HDAC4: variants seen among roughly 807,000 people sequenced by gnomAD.
HDAC4 encodes histone deacetylase A.
Under a neutral mutation model 135.1 loss-of-function variants are expected in HDAC4, and 16 were observed. The ratio of observed to expected loss-of-function variants is 0.12; its 90% CI spans 0.08 to 0.18. HDAC4 has a LOEUF of 0.18. HDAC4 is among the 10% of genes least tolerant of loss of function. The pLI is 1.00. For synonymous variants in HDAC4, 685 were observed against 653.4 expected (o/e 1.05, Z -0.74); for missense variants, 1,143 against 1,511.8 (o/e 0.76, Z 4.05).
At chr2:239,272,922 C>G (rs569468870) in intron 2 of HDAC4, among the ~76,000 whole-genome samples, 7 of 152,164 alleles carry the variant, frequency 4.6e-5, no homozygotes, top group Non-Finnish European at 7.4e-5. Context: ...CCCTCCCTAG[C>G]GACCTGGCCA....
intron 14 of HDAC4, among the ~76,000 whole-genome samples, chr2:239,110,596 C>A (rs1174637498): frequency 2.6e-5 from 4 of 152,252 alleles, no homozygotes; most frequent in Admixed American, 2.0e-4. Context: ...GAATAGCATC[C>A]TTCTAAGACC....
chr2:239,113,148 G>A (rs188257115), intron 13 of HDAC4, among the ~76,000 whole-genome samples: 6 of 152,370 alleles, frequency 3.9e-5, no homozygotes, highest in Non-Finnish European at 8.8e-5. Context: ...TACTTGGGAG[G>A]CTGAGGCAGA....
chr2:239,167,965 G>A lies in HDAC4; in HGVS notation c.491-4042C>T, dbSNP rs553607106. 1.3e-5 allele frequency among the ~76,000 whole-genome samples: 2 copies of A among 151,798 alleles called. No individual in the cohort carries two copies. Among genetic ancestry groups the A allele is most frequent in the South Asian group, 2.1e-4 (1 of 4,798 alleles). On this transcript the variant is annotated intron_variant, in intron 5 of 26. Transcript: ENST00000543185. The surrounding 1 kb of genome is among the most constrained non-coding windows in gnomAD (Gnocchi z 4.1). ...ACAGCAGCTCTGGGTGGGGCGGGGCGGGGCAGGTGGGGAGGGACGGCTGTG... is the reference window on the plus strand; with the variant it reads ...ACAGCAGCTCTGGGTGGGGCGGGGCAGGGCAGGTGGGGAGGGACGGCTGTG...
intron 2 of HDAC4, among the ~76,000 whole-genome samples, chr2:239,257,923 C>G (rs60681533): frequency 0.082 from 12,458 of 152,092 alleles, 663 homozygotes; most frequent in African/African-American, 0.15. Flanking sequence ...GAGAAAGAGA[C>G]TTTGTTACTT....
At chr2:239,183,789 C>T (rs2044309067) in intron 4 of HDAC4, among the ~76,000 whole-genome samples, 2 of 152,196 alleles carry the variant, frequency 1.3e-5, no homozygotes, top group Non-Finnish European at 1.5e-5. Flanking sequence ...AGCTCTAATG[C>T]TCACTGACAG....
chr2:239,118,981 G>A (rs1012972113), intron 12 of HDAC4, among the ~76,000 whole-genome samples: 2 of 152,176 alleles, frequency 1.3e-5, no homozygotes, highest in African/African-American at 4.8e-5. Context: ...TACCGCTGTC[G>A]CTGTGAGCAG....
rs1408615031 is a variant in HDAC4 at position 239,285,945 on chromosome 2, A to G, written c.23-49281T>C. Among the ~76,000 whole-genome samples, 1 of 152,150 alleles carries G rather than the reference A, an allele frequency of 6.6e-6. No homozygotes were observed. Among genetic ancestry groups the G allele is most frequent in the Admixed American group, 6.5e-5 (1 of 15,278 alleles). ...CACTCCCATCCCTCTATTTCCAAAC[A>G]GTAAGACCAGCGAGACATACGCTCC... On this transcript the variant is annotated intron_variant, in intron 2 of 26. Transcript: ENST00000543185. This position sits in a 1 kb window ranked among gnomAD's most constrained non-coding sequence, Gnocchi z 4.5.
At chr2:239,202,457 G>A (rs1036135060) in intron 3 of HDAC4, among the ~76,000 whole-genome samples, 33 of 152,162 alleles carry the variant, frequency 2.2e-4, no homozygotes, top group African/African-American at 4.8e-5. Flanking sequence ...CAGACCCAGC[G>A]GGGTGACTCT....
chr2:239,363,786 A>C (rs995645630), intron 1 of HDAC4, among the ~76,000 whole-genome samples: 2 of 152,250 alleles, frequency 1.3e-5, no homozygotes, highest in Non-Finnish European at 2.9e-5. Context: ...GGAAAAGGCA[A>C]GCCACAAAAT....
chr2:239,265,809 G>A (rs1396991706), intron 2 of HDAC4, among the ~76,000 whole-genome samples: 2 of 152,232 alleles, frequency 1.3e-5, no homozygotes, highest in Non-Finnish European at 2.9e-5. Context: ...GGTTATGCAT[G>A]AGCTCAAGCA....
intron 11 of HDAC4, among the ~76,000 whole-genome samples, chr2:239,133,432 G>A (rs1440940136): frequency 1.3e-5 from 2 of 152,192 alleles, no homozygotes; most frequent in African/African-American, 4.8e-5. Context: ...GATGTACAAC[G>A]ATGACCCGCA....
At chr2:239,288,198 A>G (rs1282401572) in intron 2 of HDAC4, among the ~76,000 whole-genome samples, 1 of 152,252 alleles carries the variant, frequency 6.6e-6, no homozygotes, top group Non-Finnish European at 1.5e-5. Context: ...ATCCACTGGA[A>G]GAGATAAGGG....
At chr2:239,180,322 G>A (rs1163174925) in intron 4 of HDAC4, among the ~76,000 whole-genome samples, 1 of 152,008 alleles carries the variant, frequency 6.6e-6, no homozygotes, top group Non-Finnish European at 1.5e-5. Flanking sequence ...GGCGGTGCAG[G>A]GGATGAGGAA....
Position 239,172,958 on chromosome 2 carries a change from GC to G in HDAC4, c.490+3454del, listed in dbSNP as rs577513704. Among the ~76,000 whole-genome samples the G allele has an allele frequency of 4.6e-5, 7 of 152,266 alleles. No homozygotes were observed. In the South Asian group the frequency reaches 1.2e-3, roughly 27 times the overall value. ...AAAAAATACAACTTAGCTAAAGTGAGCCGGGGGGGAAAAATGTCCCAGGAAC... is the reference window on the plus strand; with the variant it reads ...AAAAAATACAACTTAGCTAAAGTGAGCGGGGGGGAAAAATGTCCCAGGAAC... On this transcript the variant is annotated intron_variant, in intron 5 of 26. Coordinates refer to ENST00000543185, the MANE Select transcript of HDAC4 (RefSeq NM_001378414.1).
chr2:239,140,819 T>C (rs1005679852), intron 8 of HDAC4: 1 of 367,750 alleles, frequency 2.7e-6, no homozygotes, highest in African/African-American at 2.1e-5. Flanking sequence ...ACGGTCTGCT[T>C]GCTGCCCGCG....
intron 1 of HDAC4, among the ~76,000 whole-genome samples, chr2:239,387,773 A>G (rs959960048): frequency 1.3e-5 from 2 of 152,070 alleles, no homozygotes; most frequent in Admixed American, 1.3e-4. Context: ...AAGCCTAAAA[A>G]GCCGAGCTCC....
Position 239,123,190 on chromosome 2 carries a change from T to C in HDAC4, c.1533+3266A>G, listed in dbSNP as rs141180275. Among the ~76,000 whole-genome samples the C allele has an allele frequency of 6.0e-3, 909 of 152,334 alleles. 4 individuals carry two copies. Among genetic ancestry groups the C allele is most frequent in the African/African-American group, 0.02 (834 of 41,578 alleles). ...CTACCCCATCACTCAGATAATGACA[T>C]AATAAAATTAACAAACCTAAGTTGG... On this transcript the variant is annotated intron_variant, in intron 12 of 26. Transcript: ENST00000543185.
At chr2:239,235,539 G>A (rs776926771) in intron 3 of HDAC4, among the ~76,000 whole-genome samples, 4 of 152,236 alleles carry the variant, frequency 2.6e-5, no homozygotes, top group Non-Finnish European at 4.4e-5. Flanking sequence ...CCTGCAGGAC[G>A]CATGTGGAAC....
chr2:239,144,446 G>A (rs1367292163), intron 8 of HDAC4, 137 bp downstream of exon 8: 3 of 1,166,652 alleles, frequency 2.6e-6, no homozygotes, highest in Admixed American at 3.4e-5. Context: ...CCAGCGCCAT[G>A]GGAACAGGAC....
Sources: allele counts gnomAD v4.1 joint callset (sites outside exome capture counted in the v4.1 genomes callset), GRCh38; gene constraint gnomAD v4.1.1; non-coding constraint Gnocchi (gnomAD v3.1); transcripts MANE v1.5; gene names NCBI Gene and HGNC (gene_info 2026-07-23, HGNC 2026-07-21).